Variants in KATNA1 observed in about 807,000 individuals in gnomAD.
The protein encoded by KATNA1 is katanin catalytic subunit A1.
Under a neutral mutation model 62.6 loss-of-function variants are expected in KATNA1, and 42 were observed. The observed-to-expected ratio is 0.67, with a 90% confidence interval of 0.52 to 0.87. KATNA1 has a LOEUF of 0.87. Among genes scored for constraint, KATNA1 ranks in the 40% least tolerant of loss-of-function variants. The pLI is 0.00. For synonymous variants in KATNA1, 186 were observed against 201.9 expected (o/e 0.92, Z 0.67); for missense variants, 498 against 612.5 (o/e 0.81, Z 1.97).
chr6:149,611,462 C>CAAAAAAAAAAAAAAA (rs1179618459), intron 4 of KATNA1, among the ~76,000 whole-genome samples: 1 of 34,756 alleles, frequency 2.9e-5, no homozygotes, highest in Non-Finnish European at 6.4e-5. Flanking sequence ...AACTCTGTCT[C>CAAAAAAAAAAAAAAA]AAAAAAAAAA....
rs138782416 is a variant in KATNA1 at position 149,595,037 on chromosome 6, T to C, written c.1475A>G (p.Ter492=). ...EKWIFEFGSC[*] ...TTCTCACAGTTTACATGTGAGAATT[T>C]AGCATGATCCAAACTCAAATATCCA... Residue 492 remains the stop codon, a stop_retained_variant, in exon 11 of 11, where the codon TAA becomes TGA. Coordinates refer to ENST00000367411, the MANE Select transcript of KATNA1 (RefSeq NM_007044.4). The C allele has an allele frequency of 2.5e-6, 4 of 1,612,190 alleles. No homozygotes were observed. The highest frequency in any genetic ancestry group is 3.4e-6 in the Non-Finnish European group (4 of 1,178,340).
chr6:149,640,755 G>A (rs1017651963), intron 1 of KATNA1, among the ~76,000 whole-genome samples: 2 of 152,080 alleles, frequency 1.3e-5, no homozygotes, highest in African/African-American at 4.8e-5. Flanking sequence ...CACCATGTTG[G>A]CCAGGTTGGT....
At chr6:149,648,808 T>G (rs935088176), upstream of KATNA1, 4 of 152,338 alleles carry the variant, frequency 2.6e-5, no homozygotes, top group African/African-American at 9.7e-5. Flanking sequence ...TGCGCATTCT[T>G]GCACCGCCTC....
At chr6:149,647,309 G>A (rs986396480) in intron 1 of KATNA1, among the ~76,000 whole-genome samples, 2 of 151,798 alleles carry the variant, frequency 1.3e-5, no homozygotes, top group South Asian at 2.1e-4. Context: ...GGATCACAAT[G>A]TCTGGAAATC....
At chr6:149,611,076 C>T (rs114007325) in intron 4 of KATNA1, among the ~76,000 whole-genome samples, 130 of 152,120 alleles carry the variant, frequency 8.5e-4, no homozygotes, top group African/African-American at 3.1e-3. Context: ...AGCAAGATTC[C>T]GTCTCAGAAA....
At position 149,603,343 on chromosome 6, in the gene KATNA1, T is replaced by A. The variant is rs764974796; in HGVS notation, c.654A>T (p.Lys218Asn). The part of the protein sequence containing the change: ...WDDIADLVEA[K>N]KLLKEAVVLP... ...ACACTACGGCTTCCTTAAGCAACTT[T>A]TTAGCTTCTACTAAATCAGCGATAT... The change falls in exon 6 of 11, where the codon AAA becomes AAT. Residue 218 changes from lysine (K) to asparagine (N), a missense_variant. Physicochemically the swap from Lys to Asn is moderately conservative, Grantham distance 94 (BLOSUM62 0). Coordinates refer to ENST00000367411, the MANE Select transcript of KATNA1 (RefSeq NM_007044.4). 1 of 1,596,114 alleles carries A rather than the reference T, an allele frequency of 6.3e-7. No homozygotes were observed. The highest frequency in any genetic ancestry group is 1.7e-5 in the Admixed American group (1 of 58,872).
chr6:149,630,314 C>T (rs1245842026), intron 3 of KATNA1, among the ~76,000 whole-genome samples: 2 of 152,164 alleles, frequency 1.3e-5, no homozygotes, highest in Non-Finnish European at 2.9e-5. Flanking sequence ...TAGTACAGTC[C>T]TTTTATGTGG....
chr6:149,630,746 A>T (rs1779797856), intron 3 of KATNA1, among the ~76,000 whole-genome samples: 1 of 152,252 alleles, frequency 6.6e-6, no homozygotes, highest in African/African-American at 2.4e-5. Context: ...TGGACCACCG[A>T]CATCAGAATC....
At chr6:149,595,955 A>G (rs1050681541) in intron 10 of KATNA1, among the ~76,000 whole-genome samples, 8 of 152,226 alleles carry the variant, frequency 5.3e-5, no homozygotes, top group African/African-American at 1.9e-4. Flanking sequence ...ATTCTGTCAC[A>G]TTTAGGATAA....
chr6:149,617,977 A>C (rs1486880031), intron 4 of KATNA1, among the ~76,000 whole-genome samples: 1 of 146,786 alleles, frequency 6.8e-6, no homozygotes, highest in Non-Finnish European at 1.5e-5. Context: ...TAATAAAATA[A>C]ATAAATAAAT....
chr6:149,637,678 T>C (rs1780120525), intron 2 of KATNA1, among the ~76,000 whole-genome samples: 1 of 151,956 alleles, frequency 6.6e-6, no homozygotes, highest in Non-Finnish European at 1.5e-5. Context: ...AATACAAAAA[T>C]TAGCTGGGTG....
At chr6:149,631,157 T>C (rs961797453) in intron 3 of KATNA1, among the ~76,000 whole-genome samples, 2 of 152,140 alleles carry the variant, frequency 1.3e-5, no homozygotes, top group Admixed American at 6.6e-5. Context: ...CCCAGCACTT[T>C]AGGAGGCCAA....
chr6:149,626,155 C>T (rs1202956967), intron 3 of KATNA1, among the ~76,000 whole-genome samples: 1 of 152,052 alleles, frequency 6.6e-6, no homozygotes, highest in African/African-American at 2.4e-5. Context: ...GCAGATTCCA[C>T]AATGTGGAGT....
intron 3 of KATNA1, among the ~76,000 whole-genome samples, chr6:149,631,131 G>A (rs1477035938): frequency 6.6e-6 from 1 of 152,178 alleles, no homozygotes; most frequent in Non-Finnish European, 1.5e-5. Context: ...CGGGTGTGGT[G>A]GCTCACGCCT....
intron 2 of KATNA1, among the ~76,000 whole-genome samples, chr6:149,634,754 G>A (rs941655960): frequency 1.3e-5 from 2 of 152,116 alleles, no homozygotes; most frequent in East Asian, 1.9e-4. Context: ...ATTAGATATT[G>A]TATACAGGAA....
chr6:149,607,497 C>T (rs1455138164), intron 4 of KATNA1, among the ~76,000 whole-genome samples: 1 of 151,942 alleles, frequency 6.6e-6, no homozygotes, highest in African/African-American at 2.4e-5. Context: ...GCCTGTAGTC[C>T]CAGCTACTCA....
intron 4 of KATNA1, among the ~76,000 whole-genome samples, chr6:149,605,962 G>A (rs1047191330): frequency 6.6e-6 from 1 of 152,070 alleles, no homozygotes; most frequent in African/African-American, 2.4e-5. Flanking sequence ...GTTTCAGCAC[G>A]TTGGCCATGC....
chr6:149,610,900 C>T (rs1248819385), intron 4 of KATNA1, among the ~76,000 whole-genome samples: 1 of 152,122 alleles, frequency 6.6e-6, no homozygotes, highest in African/African-American at 2.4e-5. Flanking sequence ...GCTTGGCCAA[C>T]GTGGCAAAAC....
At chr6:149,645,537 A>C (rs1780454304) in intron 1 of KATNA1, among the ~76,000 whole-genome samples, 1 of 152,200 alleles carries the variant, frequency 6.6e-6, no homozygotes, top group Non-Finnish European at 1.5e-5. Flanking sequence ...TATTGGTTCA[A>C]CATTAATAGA....
Sources: allele counts gnomAD v4.1 joint callset (sites outside exome capture counted in the v4.1 genomes callset), GRCh38; gene constraint gnomAD v4.1.1; transcripts MANE v1.5; gene names NCBI Gene and HGNC (gene_info 2026-07-23, HGNC 2026-07-21).